CAMK1D: variants seen among roughly 807,000 people sequenced by gnomAD.
CAMK1D encodes calcium/calmodulin dependent protein kinase ID, also known as calcium/calmodulin-dependent protein kinase type 1D.
Under a neutral mutation model 47.7 loss-of-function variants are expected in CAMK1D, and 9 were observed. The observed-to-expected ratio is 0.19, with a 90% confidence interval of 0.11 to 0.33. CAMK1D has a LOEUF of 0.33. Ranked by LOEUF, CAMK1D falls within the 10% of genes least tolerant of loss-of-function variation. The pLI is 1.00. For synonymous variants in CAMK1D, 184 were observed against 184.9 expected, an observed-to-expected ratio of 0.99 and a Z score of 0.04; for missense variants, 291 against 488.7, an observed-to-expected ratio of 0.60 and a Z score of 3.81.
intron 4 of CAMK1D, among the ~76,000 whole-genome samples, chr10:12,766,289 C>G (rs1177787340): frequency 6.7e-6 from 1 of 150,368 alleles, no homozygotes; most frequent in Admixed American, 6.6e-5. Flanking sequence ...GGCCCCGTGC[C>G]CTGCCATCCC....
intron 2 of CAMK1D, among the ~76,000 whole-genome samples, chr10:12,553,759 T>C (rs896020721): frequency 6.6e-6 from 1 of 152,254 alleles, no homozygotes; most frequent in Non-Finnish European, 1.5e-5. Context: ...AAGTGCTCAC[T>C]GCAGCACTCG....
At chr10:12,545,230 A>AAAAGAGGAGGAAATAAGAGGCCAAAGT (rs1554785765) in intron 1 of CAMK1D, among the ~76,000 whole-genome samples, 2 of 151,630 alleles carry the variant, frequency 1.3e-5, no homozygotes, top group African/African-American at 4.9e-5. Flanking sequence ...GAAAAACCTC[A>AAAAGAGGAGGAAATAAGAGGCCAAAGT]GGTGTTCGAG....
chr10:12,504,929 C>T (rs1344132987), intron 1 of CAMK1D, among the ~76,000 whole-genome samples: 3 of 152,202 alleles, frequency 2.0e-5, no homozygotes, highest in Non-Finnish European at 4.4e-5. Flanking sequence ...CTCTTGCAGG[C>T]AGGGTCTGAA....
chr10:12,357,722 C>A (rs1837558519), intron 1 of CAMK1D, among the ~76,000 whole-genome samples: 1 of 152,144 alleles, frequency 6.6e-6, no homozygotes, highest in Non-Finnish European at 1.5e-5. Context: ...ATGGTCAATT[C>A]CGTGCTTATT....
At chr10:12,712,889 T>G (rs1486971686) in intron 3 of CAMK1D, among the ~76,000 whole-genome samples, 3 of 152,090 alleles carry the variant, frequency 2.0e-5, no homozygotes, top group African/African-American at 7.2e-5. Context: ...GGTACTGAGC[T>G]TAGCAGCAGC....
At chr10:12,418,998 C>T (rs1365588244) in intron 1 of CAMK1D, among the ~76,000 whole-genome samples, 1 of 152,286 alleles carries the variant, frequency 6.6e-6, no homozygotes, top group East Asian at 1.9e-4. Context: ...GAGCAGCTGC[C>T]TGTTTCAACA....
intron 1 of CAMK1D, among the ~76,000 whole-genome samples, chr10:12,363,945 C>T (rs1284768928): frequency 9.2e-5 from 14 of 152,092 alleles, no homozygotes; most frequent in Admixed American, 8.5e-4. Flanking sequence ...CCCGTGCCTC[C>T]AGTTCTTTTG....
chr10:12,731,304 T>C (rs1834869823), intron 3 of CAMK1D, among the ~76,000 whole-genome samples: 1 of 152,038 alleles, frequency 6.6e-6, no homozygotes, highest in Non-Finnish European at 1.5e-5. Context: ...CTTCTGGTGG[T>C]GAAAGTCTGT....
At chr10:12,530,223 T>A (rs541553751) in intron 1 of CAMK1D, among the ~76,000 whole-genome samples, 1 of 152,306 alleles carries the variant, frequency 6.6e-6, no homozygotes, top group African/African-American at 2.4e-5. Context: ...GCTGTTGGCA[T>A]CAACACGGGA....
chr10:12,350,549 TGC>T (rs1388861836), intron 1 of CAMK1D, among the ~76,000 whole-genome samples: 3 of 130,610 alleles, frequency 2.3e-5, no homozygotes, highest in African/African-American at 8.0e-5. Context: ...GGAGGGTCTG[TGC>T]GCGTCGCTGC....
At chr10:12,711,187 T>G (rs937359834) in intron 3 of CAMK1D, among the ~76,000 whole-genome samples, 5 of 152,224 alleles carry the variant, frequency 3.3e-5, no homozygotes, top group Non-Finnish European at 7.3e-5. Flanking sequence ...ACCGCCTGTT[T>G]CAGTCGCATA....
intron 2 of CAMK1D, among the ~76,000 whole-genome samples, chr10:12,563,710 G>GGAGGGAGA (rs1554789188): frequency 9.7e-4 from 116 of 119,120 alleles, no homozygotes; most frequent in African/African-American, 3.3e-3. Flanking sequence ...GGAGAGAGAG[G>GGAGGGAGA]GAGAGAGAGA....
chr10:12,506,967 T>C lies in CAMK1D; in HGVS notation c.93-46258T>C, dbSNP rs182753234. Among the ~76,000 whole-genome samples, 4 of 152,356 alleles carry C rather than the reference T, an allele frequency of 2.6e-5. No homozygotes were observed. The East Asian group carries it at 7.7e-4, about 29-fold the overall frequency. Reference sequence around the variant, plus strand: ...GAAAAAGGAGCAAGGAGATGGACTCTTAATATTTCCCATATAAATATAGAA... The same window carrying C: ...GAAAAAGGAGCAAGGAGATGGACTCCTAATATTTCCCATATAAATATAGAA... On this transcript the variant is annotated intron_variant, in intron 1 of 10. Transcript: ENST00000619168.
chr10:12,536,784 C>T (rs1309770462), intron 1 of CAMK1D, among the ~76,000 whole-genome samples: 1 of 152,122 alleles, frequency 6.6e-6, no homozygotes, highest in Non-Finnish European at 1.5e-5. Context: ...TTTTGGTAAC[C>T]TTTTTTTCAA....
chr10:12,387,425 T>TA (rs1484681849), intron 1 of CAMK1D, among the ~76,000 whole-genome samples: 1 of 67,168 alleles, frequency 1.5e-5, no homozygotes, highest in Non-Finnish European at 3.0e-5. Flanking sequence ...ATTTTATATA[T>TA]TTTATATATT....
At chr10:12,739,026 G>A (rs1249916452) in intron 3 of CAMK1D, among the ~76,000 whole-genome samples, 3 of 151,912 alleles carry the variant, frequency 2.0e-5, no homozygotes, top group African/African-American at 7.3e-5. Flanking sequence ...CGCTTGAGCC[G>A]AGAAGTTTGA....
chr10:12,372,830 T>G (rs1184644597), intron 1 of CAMK1D, among the ~76,000 whole-genome samples: 3 of 152,160 alleles, frequency 2.0e-5, no homozygotes, highest in Non-Finnish European at 4.4e-5. Context: ...TGGGTCTCAC[T>G]GTCTTTCCCA....
At chr10:12,515,455 A>G (rs1399182076) in intron 1 of CAMK1D, among the ~76,000 whole-genome samples, 1 of 112,996 alleles carries the variant, frequency 8.8e-6, no homozygotes, top group East Asian at 2.2e-4. Flanking sequence ...TTTAGGGTAC[A>G]CGTGCACATT....
chr10:12,823,141 C>G (rs760326718), intron 8 of CAMK1D, among the ~76,000 whole-genome samples: 5 of 152,140 alleles, frequency 3.3e-5, no homozygotes, highest in Non-Finnish European at 7.3e-5. Context: ...TATGCCTGAG[C>G]CGTGTTCCTT....
Sources: gnomAD v4.1 joint callset for allele counts (sites outside exome capture counted in the v4.1 genomes callset) on GRCh38, gnomAD v4.1.1 for gene constraint, MANE v1.5 for transcripts, NCBI Gene and HGNC (gene_info 2026-07-23, HGNC 2026-07-21) for gene names.